Variants in RNF144A observed in about 807,000 individuals in gnomAD.
The protein encoded by RNF144A is E3 ubiquitin-protein ligase RNF144A.
Under a neutral mutation model 38.7 loss-of-function variants are expected in RNF144A, and 11 were observed. The ratio of observed to expected loss-of-function variants is 0.28; its 90% CI spans 0.18 to 0.47. The LOEUF (loss-of-function observed/expected upper bound fraction) is 0.47, where lower values mean the gene tolerates loss of function less well. RNF144A is among the 20% of genes least tolerant of loss of function. The pLI, the probability that RNF144A is intolerant of heterozygous loss-of-function variation, is 0.99. For missense variants in RNF144A, 316 were observed against 377.2 expected, an observed-to-expected ratio of 0.84 and a Z score of 1.34; for synonymous variants, 149 against 143.9, an observed-to-expected ratio of 1.04 and a Z score of -0.25.
At chr2:6,968,070 A>T (rs1368505844) in intron 2 of RNF144A, among the ~76,000 whole-genome samples, 1 of 152,054 alleles carries the variant, frequency 6.6e-6, no homozygotes, top group East Asian at 1.9e-4. Context: ...ATTCTATGGG[A>T]TTTGGCGTCA....
At chr2:7,016,001 TA>T (rs922484545) in intron 5 of RNF144A, among the ~76,000 whole-genome samples, 2 of 149,950 alleles carry the variant, frequency 1.3e-5, no homozygotes, top group African/African-American at 4.9e-5. Context: ...TTTTGCTTTC[TA>T]AAAGAAATGC....
rs188656603 is a variant in RNF144A at position 7,049,542 on chromosome 2, A to G, written c.735-18674A>G. On this transcript the variant is annotated intron_variant, in intron 6 of 6. Coordinates refer to the RNF144A transcript ENST00000432850. ...AAAGGATGAAGATGACAAAAATTCA[A>G]CTGTGCTCAGCGATTTGAGTTTTCA... Among the ~76,000 whole-genome samples, 202 of 152,304 alleles carry G rather than the reference A, an allele frequency of 1.3e-3. 1 individual carries two copies. Among genetic ancestry groups the G allele is most frequent in the East Asian group, 9.7e-4 (5 of 5,178 alleles).
At chr2:6,926,475 A>G (rs995258006) in intron 1 of RNF144A, among the ~76,000 whole-genome samples, 3 of 152,170 alleles carry the variant, frequency 2.0e-5, no homozygotes, top group African/African-American at 7.2e-5. Flanking sequence ...TCCCTCTCTT[A>G]CCTGCTCTTC....
At chr2:6,948,293 A>G (rs557491750) in intron 2 of RNF144A, among the ~76,000 whole-genome samples, 7 of 152,334 alleles carry the variant, frequency 4.6e-5, no homozygotes, top group African/African-American at 1.7e-4. Flanking sequence ...ACAGCCTTAG[A>G]GGAGGTTGAT....
At chr2:6,931,557 A>G (rs1360347875) in intron 1 of RNF144A, among the ~76,000 whole-genome samples, 1 of 152,252 alleles carries the variant, frequency 6.6e-6, no homozygotes, top group Admixed American at 6.5e-5. Flanking sequence ...TATTTGACCC[A>G]TGTCATTTTT....
At chr2:6,940,520 T>C (rs991110127) in intron 1 of RNF144A, among the ~76,000 whole-genome samples, 3 of 152,208 alleles carry the variant, frequency 2.0e-5, no homozygotes, top group Admixed American at 2.0e-4. Flanking sequence ...GCCTTTTTTT[T>C]CATTAGTTTA....
chr2:6,968,553 G>A (rs1035533086), intron 2 of RNF144A, among the ~76,000 whole-genome samples: 2 of 152,210 alleles, frequency 1.3e-5, no homozygotes, highest in African/African-American at 2.4e-5. Context: ...ATGCCTGCTG[G>A]CCCATCGCCT....
At chr2:6,926,125 T>A (rs1330976483) in intron 1 of RNF144A, among the ~76,000 whole-genome samples, 4 of 152,204 alleles carry the variant, frequency 2.6e-5, no homozygotes, top group Admixed American at 2.6e-4. Flanking sequence ...TCTTTCACTT[T>A]GCCATCCTCA....
At chr2:6,968,251 GT>G (rs1667792886) in intron 2 of RNF144A, among the ~76,000 whole-genome samples, 5 of 152,370 alleles carry the variant, frequency 3.3e-5, no homozygotes, top group African/African-American at 1.2e-4. Flanking sequence ...CTCTTCTGGT[GT>G]TCCGTATTTG....
chr2:6,919,566 G>C (rs546632489), intron 1 of RNF144A, among the ~76,000 whole-genome samples: 15 of 151,886 alleles, frequency 9.9e-5, no homozygotes, highest in African/African-American at 3.4e-4. Context: ...CCCTGCTTTA[G>C]AGTGATTTCC....
At chr2:7,031,745 G>A (rs564615188) in intron 8 of RNF144A, among the ~76,000 whole-genome samples, 2 of 152,382 alleles carry the variant, frequency 1.3e-5, no homozygotes, top group East Asian at 1.9e-4. Flanking sequence ...TGCCGACCAC[G>A]TGGCAGAGCC....
chr2:7,048,931 C>T (rs936568558), downstream of RNF144A, among the ~76,000 whole-genome samples: 2 of 152,178 alleles, frequency 1.3e-5, no homozygotes, highest in Admixed American at 6.5e-5. Context: ...TTGCAGAAAC[C>T]CGTGGCAACT....
At chr2:6,937,456 G>A (rs1665665231) in intron 1 of RNF144A, among the ~76,000 whole-genome samples, 1 of 152,174 alleles carries the variant, frequency 6.6e-6, no homozygotes, top group African/African-American at 2.4e-5. Flanking sequence ...TAATGCAGCT[G>A]GGAAAGGCTT....
Position 7,039,975 on chromosome 2 carries a change from G to A in RNF144A, c.*215G>A, listed in dbSNP as rs923063340. 4.4e-5 allele frequency: 60 copies of A among 1,369,916 alleles called. No individual in the cohort carries two copies. Among genetic ancestry groups the A allele is most frequent in the East Asian group, 1.5e-4 (5 of 34,374 alleles). The allele number at this position is 1,369,916 out of a possible 1,614,324, so 84.9% of individuals were successfully genotyped here. A position where few individuals can be genotyped will look rare whatever the true frequency, so the allele number is the denominator to read the frequency against. On this transcript the variant is annotated 3_prime_UTR_variant, in exon 9 of 9. Coordinates refer to ENST00000320892, the MANE Select transcript of RNF144A (RefSeq NM_014746.6). ...GGGAGGGGAGGCAGGTGTGGGTAGC[G>A]CACATCCCCACAGATCAATCTCTGC...
intron 2 of RNF144A, among the ~76,000 whole-genome samples, chr2:6,975,551 A>C (rs1411371828): frequency 6.6e-6 from 1 of 152,246 alleles, no homozygotes; most frequent in Admixed American, 6.5e-5. Flanking sequence ...GGCCAGATGC[A>C]GTGGCTGATG....
At chr2:7,007,606 A>C (rs555928330) in intron 3 of RNF144A, among the ~76,000 whole-genome samples, 19 of 152,248 alleles carry the variant, frequency 1.2e-4, no homozygotes, top group Admixed American at 1.0e-3. Context: ...TATGCCTTTC[A>C]CCCAATGTCA....
chr2:6,949,078 C>T (rs1028908039), intron 2 of RNF144A, among the ~76,000 whole-genome samples: 7 of 152,172 alleles, frequency 4.6e-5, no homozygotes, highest in Non-Finnish European at 1.0e-4. Context: ...CTTCTGGGTC[C>T]TCTTTGCCCA....
At position 7,042,246 on chromosome 2, in the gene RNF144A, G is replaced by A. The variant is rs1300872858; in HGVS notation, c.*2486G>A. On this transcript the variant is annotated 3_prime_UTR_variant, in exon 9 of 9. Transcript: ENST00000320892. The stretch of plus-strand genomic sequence containing the variant: ...GAATACAGTATGAACCCTGCTTGAT[G>A]TAAAATGGAAATAGCACACAGGCAG... 7.1e-6 allele frequency: 7 copies of A among 985,476 alleles called. No individual in the cohort carries two copies. Among genetic ancestry groups the A allele is most frequent in the Non-Finnish European group, 8.4e-6 (7 of 829,932 alleles). 61.0% of individuals were successfully genotyped at this position (985,476 alleles called of 1,614,324 possible).
At chr2:7,044,718 C>T (rs751437500), downstream of RNF144A, among the ~76,000 whole-genome samples, 1 of 152,200 alleles carries the variant, frequency 6.6e-6, no homozygotes, top group Non-Finnish European at 1.5e-5. Context: ...TCATTCACCT[C>T]ACTCCAGCTT....
Sources: gnomAD v4.1 joint callset for allele counts (sites outside exome capture counted in the v4.1 genomes callset) on GRCh38, gnomAD v4.1.1 for gene constraint, MANE v1.5 for transcripts, NCBI Gene and HGNC (gene_info 2026-07-23, HGNC 2026-07-21) for gene names.